The following CA10 variants were observed in gnomAD, a reference collection of about 807,000 sequenced individuals.
The protein encoded by CA10 is carbonic anhydrase-related protein 10.
Under a neutral mutation model 44.2 loss-of-function variants are expected in CA10, and 14 were observed. That is an observed-to-expected ratio of 0.32 (90% CI 0.21 to 0.50). The LOEUF (loss-of-function observed/expected upper bound fraction) is 0.50. CA10 is among the 20% of genes least tolerant of loss of function. CA10 has a pLI of 0.99. For synonymous variants in CA10, 159 were observed against 141.6 expected (o/e 1.12, Z -0.87); for missense variants, 350 against 409.7 (o/e 0.85, Z 1.26).
chr17:51,634,712 T>C (rs752719385), intron 7 of CA10, among the ~76,000 whole-genome samples: 5 of 152,228 alleles, frequency 3.3e-5, no homozygotes, highest in Non-Finnish European at 5.9e-5. Flanking sequence ...TTCAAATATG[T>C]GTGCAAAATA....
chr17:51,708,094 A>G (rs556657663), intron 4 of CA10, among the ~76,000 whole-genome samples: 2 of 152,352 alleles, frequency 1.3e-5, no homozygotes, highest in Admixed American at 6.5e-5. Flanking sequence ...AGTGATTACA[A>G]GTGGGCTCCA....
chr17:52,119,219 G>GACTATTCATGACTTATGGC (rs1555568118), intron 1 of CA10, among the ~76,000 whole-genome samples: 1 of 120,174 alleles, frequency 8.3e-6, no homozygotes, highest in East Asian at 4.3e-4. Context: ...AACTAGTCAT[G>GACTATTCATGACTTATGGC]AGTATTCATG....
intron 3 of CA10, among the ~76,000 whole-genome samples, chr17:51,917,220 C>A (rs1351628368): frequency 7.7e-6 from 1 of 130,240 alleles, no homozygotes; most frequent in Non-Finnish European, 1.8e-5. Context: ...CTTGATGGCA[C>A]CCAATGTGGA....
At chr17:51,874,950 GTTTTTTTTTCTTTTTTTTC>G (rs920978779) in intron 3 of CA10, among the ~76,000 whole-genome samples, 3 of 5,942 alleles carry the variant, frequency 5.0e-4, no homozygotes, top group Non-Finnish European at 8.6e-4. Flanking sequence ...TTTTTCTTCT[GTTTTTTTTTCTTTTTTTTC>G]TTTTCTTTTC....
chr17:52,100,204 T>C (rs1165726545), intron 1 of CA10, among the ~76,000 whole-genome samples: 2 of 152,088 alleles, frequency 1.3e-5, no homozygotes. Flanking sequence ...GAAGATATAA[T>C]TGCAGAAGCA....
intron 2 of CA10, among the ~76,000 whole-genome samples, chr17:52,044,112 G>A (rs1986842817): frequency 6.6e-6 from 1 of 152,056 alleles, no homozygotes; most frequent in African/African-American, 2.4e-5. Context: ...CTTTATCAAA[G>A]TGTTTGACAA....
intron 1 of CA10, among the ~76,000 whole-genome samples, chr17:52,079,272 C>A (rs1210650567): frequency 1.3e-5 from 2 of 151,952 alleles, no homozygotes; most frequent in African/African-American, 2.4e-5. Context: ...GGCGACAGAG[C>A]GAAACTCCGT....
chr17:52,088,997 A>C (rs946117702), intron 1 of CA10, among the ~76,000 whole-genome samples: 14 of 152,218 alleles, frequency 9.2e-5, no homozygotes, highest in African/African-American at 3.4e-4. Flanking sequence ...TTGTTTAGAA[A>C]GTAAGCAATT....
intron 3 of CA10, among the ~76,000 whole-genome samples, chr17:51,857,162 T>C (rs924444945): frequency 5.3e-5 from 8 of 152,226 alleles, no homozygotes; most frequent in African/African-American, 1.9e-4. Context: ...TATTCCATGA[T>C]AATATTTAGT....
intron 3 of CA10, among the ~76,000 whole-genome samples, chr17:51,851,391 C>T (rs1044605532): frequency 2.6e-5 from 4 of 152,136 alleles, no homozygotes; most frequent in South Asian, 2.1e-4. Flanking sequence ...GCATTCAAAC[C>T]TCAGCTCTGC....
chr17:51,867,574 G>A (rs1055320933), intron 3 of CA10, among the ~76,000 whole-genome samples: 2 of 152,188 alleles, frequency 1.3e-5, no homozygotes, highest in African/African-American at 2.4e-5. Context: ...GTAAAGCACA[G>A]ACTGCACTTG....
At chr17:51,975,632 TCGCCTCACTG>T (rs1204390641) in intron 2 of CA10, among the ~76,000 whole-genome samples, 1 of 152,132 alleles carries the variant, frequency 6.6e-6, no homozygotes, top group Non-Finnish European at 1.5e-5. Context: ...TGAGGCGAGA[TCGCCTCACTG>T]CACTCCAGCC....
intron 4 of CA10, among the ~76,000 whole-genome samples, chr17:51,689,548 T>G (rs559147457): frequency 6.2e-4 from 95 of 152,330 alleles, no homozygotes; most frequent in African/African-American, 2.3e-3. Context: ...GAAATAATAA[T>G]GGGGTTATTG....
intron 2 of CA10, among the ~76,000 whole-genome samples, chr17:52,053,532 A>T (rs1987137443): frequency 6.6e-6 from 1 of 152,154 alleles, no homozygotes; most frequent in Non-Finnish European, 1.5e-5. Flanking sequence ...GTTTTTGGAA[A>T]TTAAGATATA....
chr17:51,844,318 T>C (rs967253229), intron 3 of CA10, among the ~76,000 whole-genome samples: 18 of 152,176 alleles, frequency 1.2e-4, no homozygotes, highest in African/African-American at 4.1e-4. Flanking sequence ...GTAAAGAATA[T>C]GTTGTGAAAT....
intron 4 of CA10, among the ~76,000 whole-genome samples, chr17:51,660,290 T>C (rs1913951848): frequency 6.6e-6 from 1 of 152,220 alleles, no homozygotes. Context: ...TTCACTTATG[T>C]CCTAGAATTT....
intron 3 of CA10, among the ~76,000 whole-genome samples, chr17:51,837,134 T>C (rs572129606): frequency 3.3e-5 from 5 of 151,608 alleles, no homozygotes; most frequent in African/African-American, 1.2e-4. Context: ...ACACACAACT[T>C]GGGAAGGTCA....
intron 1 of CA10, among the ~76,000 whole-genome samples, chr17:52,121,562 G>A (rs1567740035): frequency 6.6e-6 from 1 of 151,756 alleles, no homozygotes; most frequent in Non-Finnish European, 1.5e-5. Flanking sequence ...ATTAGAAAGA[G>A]ACCTTCATTT....
At chr17:51,758,480 A>T (rs1430867519) in intron 3 of CA10, among the ~76,000 whole-genome samples, 1 of 152,150 alleles carries the variant, frequency 6.6e-6, no homozygotes, top group Non-Finnish European at 1.5e-5. Context: ...ATCCAACCCA[A>T]GGATACCATG....
Sources: allele counts gnomAD v4.1 joint callset (sites outside exome capture counted in the v4.1 genomes callset), GRCh38; gene constraint gnomAD v4.1.1; transcripts MANE v1.5; gene names NCBI Gene and HGNC (gene_info 2026-07-23, HGNC 2026-07-21).